Variants in MTUS1 observed in about 807,000 individuals in gnomAD.
The protein encoded by MTUS1 is microtubule associated scaffold protein 1.
Under a neutral mutation model 120.8 loss-of-function variants are expected in MTUS1, and 109 were observed. The observed-to-expected ratio is 0.90, with a 90% confidence interval of 0.77 to 1.06. The LOEUF is 1.06. Among genes scored for constraint, MTUS1 ranks in the 50% least tolerant of loss-of-function variants. The pLI, the probability that MTUS1 is intolerant of heterozygous loss-of-function variation, is 0.00. For synonymous variants in MTUS1, 737 were observed against 550.5 expected, an observed-to-expected ratio of 1.34 and a Z score of -4.74; for missense variants, 2,210 against 1,486.3, an observed-to-expected ratio of 1.49 and a Z score of -8.01.
At chr8:17,714,894 C>CTTTTTTT (rs34479493) in intron 5 of MTUS1, among the ~76,000 whole-genome samples, 6 of 55,192 alleles carry the variant, frequency 1.1e-4, no homozygotes, top group East Asian at 7.0e-4. Flanking sequence ...ACAAATAATG[C>CTTTTTTT]TTTTTTTTTT....
intron 3 of MTUS1, chr8:17,724,151 CT>C: frequency 4.1e-6 from 2 of 492,572 alleles, no homozygotes; most frequent in South Asian, 1.6e-5. Context: ...GAGAAAGCAG[CT>C]TTTGGCAAAA....
rs761900960 is a variant in MTUS1 at position 17,755,162 on chromosome 8, T to C, written c.646A>G (p.Thr216Ala). ...TCATAAGTAGTTTCTCTTGCATGCG[T>C]CTTATCAGAATGGGAAGATGTCCAA... ...STWTSSHSDK[T>A]HARETTYDRE... Residue 216 changes from threonine to alanine, a missense_variant, in exon 2 of 15, where the codon ACG (threonine) becomes GCG (alanine). Thr to Ala is a moderately conservative substitution (Grantham distance 58). Coordinates refer to ENST00000693296, the MANE Select transcript of MTUS1 (RefSeq NM_001363059.2). 34 of 1,614,144 alleles carry C rather than the reference T, an allele frequency of 2.1e-5. No individual in the cohort carries two copies. The Middle Eastern group carries it at 4.9e-4, about 23-fold the overall frequency.
At chr8:17,725,344 C>T (rs1014336044) in intron 3 of MTUS1, among the ~76,000 whole-genome samples, 1 of 152,180 alleles carries the variant, frequency 6.6e-6, no homozygotes, top group Admixed American at 6.5e-5. Context: ...TGAAGCTCCT[C>T]AGGCCTGGCA....
intron 1 of MTUS1, among the ~76,000 whole-genome samples, chr8:17,790,506 A>G (rs1180681879): frequency 6.6e-6 from 1 of 152,228 alleles, no homozygotes; most frequent in African/African-American, 2.4e-5. Flanking sequence ...AGCAGTCTGA[A>G]AGCTATAAAG....
chr8:17,677,440 G>T (rs2130681822), intron 7 of MTUS1, among the ~76,000 whole-genome samples: 1 of 152,128 alleles, frequency 6.6e-6, no homozygotes, highest in South Asian at 2.1e-4. Flanking sequence ...AGGAAGAGAT[G>T]GCAAGAAAAT....
In MTUS1 at chr8:17,754,331, T is replaced by C. The variant is rs1180376692; in HGVS notation, c.1477A>G (p.Lys493Glu). Reference protein sequence around the residue: ...TIKTNTPIGCKVRKTEIISYP... With the variant: ...TIKTNTPIGCEVRKTEIISYP... ...CTTATAATTTCAGTTTTTCTAACTT[T>C]GCAGCCTATTGGGGTATTCGTTTTG... The change falls in exon 2 of 15, where the codon AAA becomes GAA. Residue 493 changes from lysine (K) to glutamate (E), a missense_variant. Physicochemically the swap from Lys to Glu is moderately conservative, Grantham distance 56. Coordinates refer to ENST00000693296, the MANE Select transcript of MTUS1 (RefSeq NM_001363059.2). 1 of 1,614,064 alleles carries C rather than the reference T, an allele frequency of 6.2e-7. No individual in the cohort carries two copies. Among genetic ancestry groups the C allele is most frequent in the Non-Finnish European group, 8.5e-7 (1 of 1,180,044 alleles).
intron 1 of MTUS1, among the ~76,000 whole-genome samples, chr8:17,788,917 T>C (rs959245791): frequency 6.6e-6 from 1 of 152,170 alleles, no homozygotes; most frequent in African/African-American, 2.4e-5. Flanking sequence ...GCTGTTTGTA[T>C]AGAAGTAAAT....
intron 1 of MTUS1, among the ~76,000 whole-genome samples, chr8:17,789,420 G>A (rs190513310): frequency 3.3e-5 from 5 of 152,068 alleles, no homozygotes; most frequent in Non-Finnish European, 7.4e-5. Context: ...GGTAGATCGC[G>A]TGGGCAGGGC....
At chr8:17,687,825 T>G (rs574539085) in intron 6 of MTUS1, among the ~76,000 whole-genome samples, 60 of 152,314 alleles carry the variant, frequency 3.9e-4, no homozygotes, top group African/African-American at 1.3e-3. Flanking sequence ...CTCAATTTAA[T>G]AAGATTTAAA....
chr8:17,656,985 G>C (rs568092301), intron 8 of MTUS1, among the ~76,000 whole-genome samples: 113 of 149,566 alleles, frequency 7.6e-4, no homozygotes, highest in African/African-American at 2.7e-3. Context: ...CGTGAACCCA[G>C]GAGGCGGAGC....
chr8:17,661,499 C>A (rs933079182), intron 8 of MTUS1, among the ~76,000 whole-genome samples: 21 of 152,326 alleles, frequency 1.4e-4, no homozygotes, highest in African/African-American at 4.6e-4. Context: ...GCAGACTACC[C>A]TGGCTGATTT....
At chr8:17,744,689 C>CTTTTTTTTTTTTTTTTTTTTTATTTTTTT (rs58283163) in intron 2 of MTUS1, among the ~76,000 whole-genome samples, 1 of 99,014 alleles carries the variant, frequency 1.0e-5, no homozygotes, top group Non-Finnish European at 2.0e-5. Context: ...ACCATGTTTT[C>CTTTTTTTTTTTTTTTTTTTTTATTTTTTT]TTTTTTTTTT....
chr8:17,659,788 C>A (rs138504490), intron 8 of MTUS1, among the ~76,000 whole-genome samples: 25 of 152,332 alleles, frequency 1.6e-4, no homozygotes, highest in African/African-American at 5.8e-4. Flanking sequence ...ATTGAATACA[C>A]TTACATCGTT....
At position 17,715,888 on chromosome 8, in the gene MTUS1, A is replaced by G; in HGVS notation, c.2463T>C (p.Ala821=). 6.2e-7 allele frequency: 1 copy of G among 1,612,484 alleles called. No homozygotes were observed. The highest frequency in any genetic ancestry group is 8.5e-7 in the Non-Finnish European group (1 of 1,179,648). The change falls in exon 5 of 15, where the codon GCT becomes GCC. Residue 821 remains alanine, a synonymous_variant. Coordinates refer to ENST00000693296, the MANE Select transcript of MTUS1 (RefSeq NM_001363059.2). ...GAGGTTTCTCCTCATATTTGATGAC[A>G]GCGGCATTACCAGCTGTAATAAAAC... is the stretch of plus-strand genomic sequence containing the variant. ...STYSNNSGNA[A]VIKYEEKPPK...
intron 3 of MTUS1, among the ~76,000 whole-genome samples, chr8:17,738,613 T>A (rs2047093388): frequency 6.6e-6 from 1 of 152,194 alleles, no homozygotes; most frequent in Admixed American, 6.5e-5. Flanking sequence ...TGTGCAGGTT[T>A]GTTACATAGG....
chr8:17,702,870 C>T (rs914022647), intron 6 of MTUS1, among the ~76,000 whole-genome samples: 3 of 152,264 alleles, frequency 2.0e-5, no homozygotes, highest in South Asian at 2.1e-4. Context: ...GCTGGAGCCA[C>T]GGCAGAGGAA....
At chr8:17,696,470 C>T (rs1335307208) in intron 6 of MTUS1, among the ~76,000 whole-genome samples, 1 of 152,150 alleles carries the variant, frequency 6.6e-6, no homozygotes, top group Non-Finnish European at 1.5e-5. Flanking sequence ...CAGCCCAAAA[C>T]AAATATAAAA....
chr8:17,676,850 C>T (rs1267709800), intron 7 of MTUS1, among the ~76,000 whole-genome samples: 1 of 152,082 alleles, frequency 6.6e-6, no homozygotes, highest in Non-Finnish European at 1.5e-5. Context: ...CTGTCGTTTA[C>T]AAATTTAAAT....
intron 10 of MTUS1, chr8:17,654,228 G>A (rs1400438443): frequency 9.4e-6 from 3 of 319,254 alleles, no homozygotes; most frequent in African/African-American, 6.3e-5. Flanking sequence ...AGCACTTGGG[G>A]TGGATCCTTT....
Sources: gnomAD v4.1 joint callset for allele counts (sites outside exome capture counted in the v4.1 genomes callset) on GRCh38, gnomAD v4.1.1 for gene constraint, MANE v1.5 for transcripts, NCBI Gene and HGNC (gene_info 2026-07-23, HGNC 2026-07-21) for gene names.